ATRNL1: variants seen among roughly 807,000 people sequenced by gnomAD.
ATRNL1 encodes attractin like 1.
Under a neutral mutation model 182.7 loss-of-function variants are expected in ATRNL1, and 95 were observed. That is an observed-to-expected ratio of 0.52 (90% CI 0.44 to 0.62). ATRNL1 has a LOEUF of 0.62. Among genes scored for constraint, ATRNL1 ranks in the 20% least tolerant of loss-of-function variants. The probability of loss-of-function intolerance (pLI) is 0.00; values close to 1 mark genes in which losing one functional copy is unlikely to be tolerated. For synonymous variants in ATRNL1, 576 were observed against 568.3 expected (o/e 1.01, Z -0.19); for missense variants, 1,471 against 1,679.5 (o/e 0.88, Z 2.17).
chr10:115,779,825 T>A (rs1357344328), intron 27 of ATRNL1, among the ~76,000 whole-genome samples: 1 of 152,200 alleles, frequency 6.6e-6, no homozygotes, highest in Non-Finnish European at 1.5e-5. Context: ...AAAATGCCAA[T>A]GTAGTCTATA....
chr10:115,590,365 T>G (rs1248293290), intron 26 of ATRNL1, among the ~76,000 whole-genome samples: 1 of 152,228 alleles, frequency 6.6e-6, no homozygotes, highest in Non-Finnish European at 1.5e-5. Flanking sequence ...CAGTTTGCTT[T>G]CTTTCTGTGT....
At chr10:115,902,057 G>A (rs1555113649) in intron 28 of ATRNL1, among the ~76,000 whole-genome samples, 2 of 152,118 alleles carry the variant, frequency 1.3e-5, no homozygotes, top group African/African-American at 4.8e-5. Context: ...AACTTAGCTC[G>A]TTATAATCAA....
chr10:115,278,169 T>G (rs1554915516), intron 13 of ATRNL1, among the ~76,000 whole-genome samples: 2 of 152,260 alleles, frequency 1.3e-5, no homozygotes, highest in African/African-American at 4.8e-5. Context: ...CATGACTTTA[T>G]TTTTTGAATT....
At chr10:115,356,971 G>T (rs1284425035) in intron 19 of ATRNL1, among the ~76,000 whole-genome samples, 1 of 151,758 alleles carries the variant, frequency 6.6e-6, no homozygotes, top group Non-Finnish European at 1.5e-5. Flanking sequence ...TTTATTTGGG[G>T]CCAGAGAGAA....
intron 27 of ATRNL1, among the ~76,000 whole-genome samples, chr10:115,809,379 G>T (rs1284493376): frequency 6.6e-6 from 1 of 152,004 alleles, no homozygotes; most frequent in Non-Finnish European, 1.5e-5. Flanking sequence ...TTATGAATGA[G>T]ATTGGGTTGA....
chr10:115,778,569 C>T (rs562349359), intron 27 of ATRNL1, among the ~76,000 whole-genome samples: 106 of 152,246 alleles, frequency 7.0e-4, no homozygotes, highest in African/African-American at 2.5e-3. Flanking sequence ...AAATCATATG[C>T]ATGACATCGA....
chr10:115,579,675 A>G (rs1384033939), intron 26 of ATRNL1, among the ~76,000 whole-genome samples: 1 of 151,948 alleles, frequency 6.6e-6, no homozygotes, highest in African/African-American at 2.4e-5. Context: ...AAATTCATTT[A>G]GCCAGCCTAT....
At chr10:115,338,305 A>G (rs782670692) in intron 19 of ATRNL1, among the ~76,000 whole-genome samples, 1 of 152,096 alleles carries the variant, frequency 6.6e-6, no homozygotes, top group African/African-American at 2.4e-5. Flanking sequence ...GTTTTGAGGA[A>G]CCTTCAAACT....
chr10:115,369,859 C>G (rs987906293), intron 19 of ATRNL1, among the ~76,000 whole-genome samples: 33 of 152,244 alleles, frequency 2.2e-4, no homozygotes, highest in African/African-American at 7.7e-4. Context: ...TATTTATTGA[C>G]CATTTTTTAA....
At chr10:115,784,236 T>C (rs1353018866) in intron 27 of ATRNL1, among the ~76,000 whole-genome samples, 1 of 152,206 alleles carries the variant, frequency 6.6e-6, no homozygotes, top group African/African-American at 2.4e-5. Flanking sequence ...AGGATTAAGA[T>C]TTATTTTGTA....
At chr10:115,510,639 T>G (rs1554982453) in intron 24 of ATRNL1, among the ~76,000 whole-genome samples, 1 of 152,006 alleles carries the variant, frequency 6.6e-6, no homozygotes, top group Non-Finnish European at 1.5e-5. Flanking sequence ...CCAAAAAAAT[T>G]TTGTGACCCA....
chr10:115,519,214 G>A lies in ATRNL1; in HGVS notation c.3655-49G>A, dbSNP rs781958033. 5.5e-6 allele frequency: 8 copies of A among 1,454,854 alleles called. No individual in the cohort carries two copies. The South Asian group carries it at 8.1e-5, about 15-fold the overall frequency. 90.1% of individuals were successfully genotyped at this position (1,454,854 alleles called of 1,614,324 possible). The stretch of plus-strand genomic sequence containing the variant: ...ACAAATGTCATGAAATATCACCACA[G>A]GTTTTAGAGAAGAACATACTTTCAA... On this transcript the variant is annotated intron_variant, in intron 24 of 28. Transcript: ENST00000355044.
chr10:115,270,374 T>TATATAATATATAAA (rs1554912500), intron 13 of ATRNL1, among the ~76,000 whole-genome samples: 1 of 25,080 alleles, frequency 4.0e-5, no homozygotes, highest in Admixed American at 2.2e-4. Context: ...TATAAATCTA[T>TATATAATATATAAA]TATATAATAT....
intron 18 of ATRNL1, among the ~76,000 whole-genome samples, chr10:115,330,290 T>G (rs1043623278): frequency 1.3e-5 from 2 of 152,334 alleles, no homozygotes; most frequent in East Asian, 3.9e-4. Flanking sequence ...ACCTTCCTAA[T>G]AAGGATATAA....
intron 19 of ATRNL1, among the ~76,000 whole-genome samples, chr10:115,379,191 AATCATC>A (rs1564977077): frequency 2.6e-5 from 4 of 152,194 alleles, no homozygotes; most frequent in Admixed American, 1.3e-4. Context: ...TAGAATATAA[AATCATC>A]ATCATATATA....
At chr10:115,446,815 C>A (rs1464751507) in intron 21 of ATRNL1, among the ~76,000 whole-genome samples, 1 of 151,626 alleles carries the variant, frequency 6.6e-6, no homozygotes, top group Non-Finnish European at 1.5e-5. Flanking sequence ...TTTTTATAAA[C>A]TATTTTTATA....
At position 115,476,262 on chromosome 10, in the gene ATRNL1, A is replaced by G. The variant is rs916486089; in HGVS notation, c.3654+6933A>G. Reference sequence around the variant, plus strand: ...ATTAATTTCCAATTTAGTTTTCGCTATGGTCAGAGAAAAACTATGGTTTTA... The same window carrying G: ...ATTAATTTCCAATTTAGTTTTCGCTGTGGTCAGAGAAAAACTATGGTTTTA... On this transcript the variant is annotated intron_variant, in intron 24 of 28. Coordinates refer to ENST00000355044, the MANE Select transcript of ATRNL1 (RefSeq NM_207303.4). Among the ~76,000 whole-genome samples, 12 of 151,432 alleles carry G rather than the reference A, an allele frequency of 7.9e-5. No homozygotes were observed. In the East Asian group the frequency reaches 2.3e-3, roughly 29 times the overall value.
intron 28 of ATRNL1, among the ~76,000 whole-genome samples, chr10:115,855,920 T>C (rs1307306484): frequency 2.6e-5 from 4 of 152,234 alleles, no homozygotes; most frequent in Non-Finnish European, 5.9e-5. Context: ...GTTTTCATGA[T>C]TTGAACACTG....
chr10:115,911,627 T>C (rs1163676114), intron 28 of ATRNL1, among the ~76,000 whole-genome samples: 1 of 152,198 alleles, frequency 6.6e-6, no homozygotes, highest in Non-Finnish European at 1.5e-5. Context: ...ACCCATTTTA[T>C]AGATCATGAA....
Sources: allele counts gnomAD v4.1 joint callset (sites outside exome capture counted in the v4.1 genomes callset), GRCh38; gene constraint gnomAD v4.1.1; transcripts MANE v1.5; gene names NCBI Gene and HGNC (gene_info 2026-07-23, HGNC 2026-07-21).